TRAPPC9: variants seen among roughly 807,000 people sequenced by gnomAD.
TRAPPC9 encodes the protein trafficking protein particle complex subunit 9.
TRAPPC9 carries 83 observed loss-of-function variants against 124.0 expected under a neutral mutation model. The observed-to-expected ratio is 0.67, with a 90% CI of 0.56 to 0.80. The LOEUF (loss-of-function observed/expected upper bound fraction) is 0.80, where lower values mean the gene tolerates loss of function less well. TRAPPC9 is among the 30% of genes least tolerant of loss of function. The probability of loss-of-function intolerance (pLI) is 0.00; values close to 1 mark genes in which losing one functional copy is unlikely to be tolerated. For synonymous variants in TRAPPC9, 638 were observed against 617.5 expected (o/e 1.03, Z -0.49); for missense variants, 1,302 against 1,508.3 (o/e 0.86, Z 2.27).
chr8:140,143,367 T>C (rs1313966189), intron 17 of TRAPPC9, among the ~76,000 whole-genome samples: 1 of 151,790 alleles, frequency 6.6e-6, no homozygotes, highest in East Asian at 1.9e-4. Flanking sequence ...GGACTCACTC[T>C]TATAGTCTAC....
intron 21 of TRAPPC9, among the ~76,000 whole-genome samples, chr8:139,811,359 G>A (rs1443504137): frequency 6.6e-6 from 1 of 152,212 alleles, no homozygotes; most frequent in East Asian, 1.9e-4. Context: ...AGGCATTCTG[G>A]AAGAGAAAAC....
At chr8:140,145,146 G>C (rs2061441115) in intron 17 of TRAPPC9, among the ~76,000 whole-genome samples, 1 of 152,120 alleles carries the variant, frequency 6.6e-6, no homozygotes, top group South Asian at 2.1e-4. Context: ...AAAGTGCTGG[G>C]ATTACAGGCA....
intron 17 of TRAPPC9, among the ~76,000 whole-genome samples, chr8:140,166,999 G>T (rs575200375): frequency 1.3e-5 from 2 of 152,288 alleles, no homozygotes; most frequent in South Asian, 4.1e-4. Flanking sequence ...AATGCAAAAC[G>T]CATGATCTCG....
At chr8:140,060,939 G>A (rs1384579995) in intron 17 of TRAPPC9, among the ~76,000 whole-genome samples, 1 of 152,172 alleles carries the variant, frequency 6.6e-6, no homozygotes, top group Non-Finnish European at 1.5e-5. Context: ...CAGCCAATTT[G>A]TGAAAACAAG....
intron 18 of TRAPPC9, among the ~76,000 whole-genome samples, chr8:139,993,770 A>G (rs1837791151): frequency 1.3e-5 from 2 of 152,186 alleles, no homozygotes; most frequent in African/African-American, 4.8e-5. Context: ...TGCTGGGTAA[A>G]TAAGTTGCAG....
chr8:140,457,231 C>CG (rs1364952572), intron 1 of TRAPPC9, among the ~76,000 whole-genome samples: 2 of 152,100 alleles, frequency 1.3e-5, no homozygotes, highest in East Asian at 1.9e-4. Flanking sequence ...GGCCCAGGGG[C>CG]GGGGGGCTCC....
At chr8:139,748,650 G>A (rs969723649) in intron 21 of TRAPPC9, among the ~76,000 whole-genome samples, 1 of 151,750 alleles carries the variant, frequency 6.6e-6, no homozygotes, top group Non-Finnish European at 1.5e-5. Flanking sequence ...TAGGCTGCTT[G>A]TTGGCTCTGC....
intron 5 of TRAPPC9, among the ~76,000 whole-genome samples, chr8:140,421,062 T>C (rs1412384225): frequency 6.6e-6 from 1 of 152,172 alleles, no homozygotes; most frequent in African/African-American, 2.4e-5. Flanking sequence ...GTAATTCAGA[T>C]ATTAACTCAA....
At chr8:140,167,368 G>C (rs1363512296) in intron 17 of TRAPPC9, among the ~76,000 whole-genome samples, 2 of 152,074 alleles carry the variant, frequency 1.3e-5, no homozygotes, top group African/African-American at 2.4e-5. Flanking sequence ...AGATAGGAAG[G>C]GGAAAAAACA....
At chr8:140,360,636 T>G (rs2067921984) in intron 8 of TRAPPC9, among the ~76,000 whole-genome samples, 1 of 121,792 alleles carries the variant, frequency 8.2e-6, no homozygotes, top group Non-Finnish European at 1.8e-5. Flanking sequence ...ATAGCTAAAT[T>G]AGAAAAAAAA....
intron 11 of TRAPPC9, chr8:140,291,286 A>AG: frequency 1.6e-6 from 1 of 634,326 alleles, no homozygotes; most frequent in South Asian, 1.8e-5. Flanking sequence ...CTTTGATGCC[A>AG]CATGAATGGC....
intron 4 of TRAPPC9, among the ~76,000 whole-genome samples, chr8:140,429,998 T>G (rs1438335265): frequency 1.3e-5 from 2 of 151,072 alleles, no homozygotes; most frequent in African/African-American, 4.9e-5. Flanking sequence ...CATACAAAAA[T>G]TAGCTGGGCG....
At chr8:140,126,192 C>T (rs2061093673) in intron 17 of TRAPPC9, among the ~76,000 whole-genome samples, 5 of 152,124 alleles carry the variant, frequency 3.3e-5, no homozygotes, top group Admixed American at 6.5e-5. Flanking sequence ...AGATGAGGGG[C>T]AAAGCTGCTC....
chr8:140,405,730 T>C, intron 5 of TRAPPC9, 32 bp from the exon 6 acceptor site: 1 of 1,613,558 alleles, frequency 6.2e-7, no homozygotes, highest in Non-Finnish European at 8.5e-7. Flanking sequence ...AGAAATAATC[T>C]TTTGCTTTTT....
intron 17 of TRAPPC9, among the ~76,000 whole-genome samples, chr8:140,217,422 G>T (rs78349491): frequency 6.6e-6 from 1 of 152,150 alleles, no homozygotes; most frequent in East Asian, 1.9e-4. Context: ...AACAGGCTGC[G>T]CAATGAGAGG....
At chr8:140,281,896 C>T (rs2065333274) in intron 14 of TRAPPC9, among the ~76,000 whole-genome samples, 1 of 152,190 alleles carries the variant, frequency 6.6e-6, no homozygotes, top group Non-Finnish European at 1.5e-5. Flanking sequence ...CTGTTGTCGC[C>T]TCCTGGAAGA....
chr8:140,391,530 T>G (rs1303558022), intron 7 of TRAPPC9, among the ~76,000 whole-genome samples: 1 of 150,604 alleles, frequency 6.6e-6, no homozygotes, highest in Non-Finnish European at 1.5e-5. Flanking sequence ...CTGACCAACA[T>G]GGAGAAACCC....
rs531038854 is a variant in TRAPPC9, at chr8:140,094,667, C to A, written c.2557-70588G>T. 4.6e-4 allele frequency among the ~76,000 whole-genome samples: 70 copies of A among 152,286 alleles called. 3 individuals carry two copies. The South Asian group carries it at 0.014, about 31-fold the overall frequency. ...CAAGAAGAGGGCCTCGTCCTGTAAG[C>A]ATTCATATCTGACCTAGCACTGGGC... On this transcript the variant is annotated intron_variant, in intron 17 of 22. Transcript: ENST00000438773.
At chr8:140,160,793 A>G (rs4551332) in intron 17 of TRAPPC9, among the ~76,000 whole-genome samples, 93,252 of 151,654 alleles carry the variant, frequency 0.61, 29,215 homozygotes, top group East Asian at 0.99. Context: ...TTAAAGTATA[A>G]TAAAAATAAA....
Sources: allele counts gnomAD v4.1 joint callset (sites outside exome capture counted in the v4.1 genomes callset), GRCh38; gene constraint gnomAD v4.1.1; transcripts MANE v1.5; gene names NCBI Gene and HGNC (gene_info 2026-07-23, HGNC 2026-07-21).